GMDS: variants seen among roughly 807,000 people sequenced by gnomAD.
GMDS encodes GDP-mannose 4,6-dehydratase, also known as GDP-mannose 4,6 dehydratase.
GMDS carries 20 observed loss-of-function variants against 49.9 expected under a neutral mutation model. The ratio of observed to expected loss-of-function variants is 0.40; its 90% confidence interval spans 0.28 to 0.58. GMDS has a LOEUF of 0.58. Among genes scored for constraint, GMDS ranks in the 20% least tolerant of loss-of-function variants. The pLI, the probability that GMDS is intolerant of heterozygous loss-of-function variation, is 0.42. For synonymous variants in GMDS, 177 were observed against 178.6 expected, an observed-to-expected ratio of 0.99 and a Z score of 0.07; for missense variants, 362 against 481.4, an observed-to-expected ratio of 0.75 and a Z score of 2.32.
chr6:1,933,838 G>A (rs192460543), intron 6 of GMDS, among the ~76,000 whole-genome samples: 193 of 152,154 alleles, frequency 1.3e-3, no homozygotes, highest in Non-Finnish European at 2.3e-3. Flanking sequence ...CACTTTCTTG[G>A]TTGTGCTCTC....
intron 4 of GMDS, among the ~76,000 whole-genome samples, chr6:2,051,408 T>C (rs1180605882): frequency 6.6e-6 from 1 of 152,254 alleles, no homozygotes; most frequent in Non-Finnish European, 1.5e-5. Context: ...AAAAGCACCA[T>C]ATAATTTTTC....
At chr6:2,153,052 C>A (rs755940175) in intron 1 of GMDS, among the ~76,000 whole-genome samples, 7 of 151,918 alleles carry the variant, frequency 4.6e-5, no homozygotes, top group African/African-American at 1.7e-4. Flanking sequence ...AAGCAAGACT[C>A]CTCCTCAAAA....
At chr6:1,998,115 T>A (rs1333439128) in intron 4 of GMDS, among the ~76,000 whole-genome samples, 1 of 151,936 alleles carries the variant, frequency 6.6e-6, no homozygotes, top group Non-Finnish European at 1.5e-5. Flanking sequence ...ATTTAGAAAA[T>A]GATCTGAAAG....
intron 4 of GMDS, among the ~76,000 whole-genome samples, chr6:2,071,711 C>A (rs1772014026): frequency 6.6e-6 from 1 of 150,954 alleles, no homozygotes; most frequent in Admixed American, 6.6e-5. Context: ...AACAAAAATT[C>A]TAAACCCTCA....
At chr6:1,777,189 G>T (rs7764505) in intron 7 of GMDS, among the ~76,000 whole-genome samples, 1 of 152,204 alleles carries the variant, frequency 6.6e-6, no homozygotes, top group Non-Finnish European at 1.5e-5. Context: ...AACAGGTTAC[G>T]TGGCTCCTGC....
intron 1 of GMDS, among the ~76,000 whole-genome samples, chr6:2,221,055 AG>A (rs1445835142): frequency 2.6e-5 from 4 of 152,022 alleles, no homozygotes; most frequent in African/African-American, 9.7e-5. Flanking sequence ...GTACACCTGT[AG>A]TACATTACCA....
At chr6:1,886,664 T>C (rs935448739) in intron 7 of GMDS, among the ~76,000 whole-genome samples, 1 of 152,224 alleles carries the variant, frequency 6.6e-6, no homozygotes, top group Non-Finnish European at 1.5e-5. Flanking sequence ...ATTTATCTTA[T>C]ATTTATCAAC....
chr6:2,218,008 G>A (rs551221590), intron 1 of GMDS, among the ~76,000 whole-genome samples: 3 of 152,162 alleles, frequency 2.0e-5, no homozygotes, highest in Non-Finnish European at 4.4e-5. Flanking sequence ...CTGCTCTCGG[G>A]CTCCAAATGA....
intron 7 of GMDS, among the ~76,000 whole-genome samples, chr6:1,910,909 T>C (rs1358766909): frequency 6.6e-6 from 1 of 152,194 alleles, no homozygotes; most frequent in Non-Finnish European, 1.5e-5. Flanking sequence ...AAAACTGGCA[T>C]TGTGTTTTTA....
In GMDS at chr6:1,960,737, G is replaced by A. The variant is rs748923470; in HGVS notation, c.538+37C>T. The A allele has an allele frequency of 1.9e-5, 26 of 1,372,314 alleles. 1 individual carries two copies. Among genetic ancestry groups the A allele is most frequent in the East Asian group, 1.9e-4 (8 of 43,162 alleles). The allele number at this position is 1,372,314 out of a possible 1,614,324, so 85.0% of individuals were successfully genotyped here. On this transcript the variant is annotated intron_variant, in intron 5 of 10. Coordinates refer to ENST00000380815, the MANE Select transcript of GMDS (RefSeq NM_001500.4). Reference sequence around the variant, plus strand: ...CACACCCCCCACACCCACAGATAACGCCACACATGTGCTCCGGTGTGCACG... The same window carrying A: ...CACACCCCCCACACCCACAGATAACACCACACATGTGCTCCGGTGTGCACG...
intron 7 of GMDS, among the ~76,000 whole-genome samples, chr6:1,785,044 T>G (rs1428475884): frequency 1.3e-5 from 2 of 152,192 alleles, no homozygotes; most frequent in African/African-American, 4.8e-5. Context: ...GGATAAAAGG[T>G]GGCTTTTTAG....
intron 4 of GMDS, among the ~76,000 whole-genome samples, chr6:1,976,094 G>T (rs191132184): frequency 6.6e-6 from 1 of 152,306 alleles, no homozygotes; most frequent in East Asian, 1.9e-4. Flanking sequence ...TCTAGGTCAG[G>T]AAGTAGTACA....
intron 9 of GMDS, among the ~76,000 whole-genome samples, chr6:1,717,274 A>G (rs1373800160): frequency 1.3e-5 from 2 of 152,360 alleles, no homozygotes; most frequent in East Asian, 1.9e-4. Flanking sequence ...ACCAACATAG[A>G]TTTTAGACTA....
At chr6:1,897,007 T>C (rs1047279805) in intron 7 of GMDS, among the ~76,000 whole-genome samples, 2 of 152,134 alleles carry the variant, frequency 1.3e-5, no homozygotes, top group Non-Finnish European at 2.9e-5. Context: ...ACAATGTACA[T>C]GGAGCTCATA....
intron 1 of GMDS, among the ~76,000 whole-genome samples, chr6:2,223,049 T>C (rs1326042559): frequency 2.0e-5 from 3 of 152,174 alleles, no homozygotes; most frequent in Admixed American, 6.6e-5. Flanking sequence ...CAGCCAGCCC[T>C]GCAAATCTCA....
chr6:2,215,582 C>T (rs964956573), intron 1 of GMDS, among the ~76,000 whole-genome samples: 1 of 151,186 alleles, frequency 6.6e-6, no homozygotes, highest in African/African-American at 2.4e-5. Context: ...GGTAGAGATA[C>T]AGCCAAACCA....
At chr6:1,842,296 G>C (rs571729066) in intron 7 of GMDS, among the ~76,000 whole-genome samples, 1 of 152,314 alleles carries the variant, frequency 6.6e-6, no homozygotes, top group East Asian at 1.9e-4. Context: ...TGTAGTTTGG[G>C]TGTTTGTTCT....
chr6:1,833,897 T>A lies in GMDS; in HGVS notation c.772-91311A>T, dbSNP rs929441039. Among the ~76,000 whole-genome samples the A allele has an allele frequency of 6.6e-6, 1 of 152,194 alleles. No homozygotes were observed. The highest frequency in any genetic ancestry group is 6.5e-5 in the Admixed American group (1 of 15,290). ...CAATATCTAAATGAGAAACATGCTC[T>A]CCTTAAAATCACAATGCATATATCG... On this transcript the variant is annotated intron_variant, in intron 7 of 10. Coordinates refer to ENST00000380815, the MANE Select transcript of GMDS (RefSeq NM_001500.4). This position sits in a 1 kb window ranked among gnomAD's most constrained non-coding sequence, Gnocchi z 4.4.
chr6:1,684,602 G>A (rs1157510461), intron 9 of GMDS, among the ~76,000 whole-genome samples: 3 of 152,158 alleles, frequency 2.0e-5, no homozygotes, highest in South Asian at 2.1e-4. Flanking sequence ...GACACATACT[G>A]AAGGATTCCA....
Sources: gnomAD v4.1 joint callset for allele counts (sites outside exome capture counted in the v4.1 genomes callset) on GRCh38, gnomAD v4.1.1 for gene constraint, Gnocchi (gnomAD v3.1) non-coding constraint, MANE v1.5 for transcripts, NCBI Gene and HGNC (gene_info 2026-07-23, HGNC 2026-07-21) for gene names.